KALRN: variants seen among roughly 807,000 people sequenced by gnomAD.
KALRN encodes kalirin RhoGEF kinase, also known as kalirin.
A neutral mutation model predicts 353.7 loss-of-function variants in KALRN; 70 were observed. The ratio of observed to expected loss-of-function variants is 0.20; its 90% CI spans 0.16 to 0.24. KALRN has a LOEUF of 0.24. Among genes scored for constraint, KALRN ranks in the 10% least tolerant of loss-of-function variants. The probability of loss-of-function intolerance (pLI) is 1.00; values close to 1 mark genes in which losing one functional copy is unlikely to be tolerated. For synonymous variants in KALRN, 1,391 were observed against 1,434.8 expected (o/e 0.97, Z 0.69); for missense variants, 2,791 against 3,756.7 (o/e 0.74, Z 6.72).
chr3:124,272,568 G>A (rs372914096), intron 5 of KALRN, among the ~76,000 whole-genome samples: 16 of 152,090 alleles, frequency 1.1e-4, no homozygotes, highest in African/African-American at 3.6e-4. Context: ...GAATGTGCAC[G>A]TGTGTATGTT....
At chr3:124,138,525 A>C (rs779359180) in intron 1 of KALRN, among the ~76,000 whole-genome samples, 4 of 152,218 alleles carry the variant, frequency 2.6e-5, no homozygotes, top group Non-Finnish European at 5.9e-5. Flanking sequence ...AATCTCAATG[A>C]TCAATGCCAG....
intron 6 of KALRN, among the ~76,000 whole-genome samples, chr3:124,304,401 G>A (rs2077518710): frequency 6.6e-6 from 1 of 152,108 alleles, no homozygotes; most frequent in African/African-American, 2.4e-5. Context: ...AGGACCCCAG[G>A]ATTGTAAACA....
chr3:124,117,236 G>A (rs2063536826), intron 1 of KALRN, among the ~76,000 whole-genome samples: 1 of 152,088 alleles, frequency 6.6e-6, no homozygotes, highest in Admixed American at 6.5e-5. Context: ...ACTGGCTGGT[G>A]TGTGGTCAAG....
At chr3:124,252,603 T>C (rs1245952491) in intron 3 of KALRN, among the ~76,000 whole-genome samples, 3 of 152,212 alleles carry the variant, frequency 2.0e-5, no homozygotes, top group African/African-American at 7.2e-5. Flanking sequence ...GCAAAAGATG[T>C]GTTGTTAAAT....
rs1239551017 is a variant in KALRN at position 124,719,882 on chromosome 3, T to C, written c.*412T>C. The C allele has an allele frequency of 5.5e-6, 1 of 181,380 alleles. No homozygotes were observed. Among genetic ancestry groups the C allele is most frequent in the Non-Finnish European group, 1.2e-5 (1 of 84,764 alleles). The allele number at this position is 181,380 out of a possible 1,614,324, so 11.2% of individuals were successfully genotyped here. A position where few individuals can be genotyped will look rare whatever the true frequency, so the allele number is the denominator to read the frequency against. On this transcript the variant is annotated 3_prime_UTR_variant, in exon 60 of 60. Coordinates refer to ENST00000682506, the MANE Select transcript of KALRN (RefSeq NM_001388419.1). This position sits in a 1 kb window ranked among gnomAD's most constrained non-coding sequence, Gnocchi z 5.3. Reference sequence around the variant, plus strand: ...TTCTATTTAATGGAGATGTCATGTATATCAACTATTCTGGTTTAGATAACT... The same window carrying C: ...TTCTATTTAATGGAGATGTCATGTACATCAACTATTCTGGTTTAGATAACT...
intron 33 of KALRN, among the ~76,000 whole-genome samples, chr3:124,507,777 G>A (rs913665216): frequency 6.6e-6 from 1 of 152,184 alleles, no homozygotes; most frequent in Non-Finnish European, 1.5e-5. Context: ...AGGCCTCAGA[G>A]AAGTTACAAA....
At chr3:124,204,795 A>T (rs1484993636) in intron 1 of KALRN, among the ~76,000 whole-genome samples, 1 of 152,078 alleles carries the variant, frequency 6.6e-6, no homozygotes, top group African/African-American at 2.4e-5. Flanking sequence ...TAAATCTCTA[A>T]GGTCTTTCTT....
In KALRN at chr3:124,384,913, C is replaced by A. The variant is rs1459444810; in HGVS notation, c.1839C>A (p.Asp613Glu). Residue 613 changes from aspartate (D) to glutamate (E), a missense_variant, in exon 11 of 60, where the codon GAC (aspartate) becomes GAA (glutamate). Transcript: ENST00000682506. Reference sequence around the variant, plus strand: ...AGTTGGCTCAGACGGGGGAATGTGACCCCGAGGAGATCTACAAGGCAGCTC... The same window carrying A: ...AGTTGGCTCAGACGGGGGAATGTGAACCCGAGGAGATCTACAAGGCAGCTC... ...AEQLAQTGEC[D>E]PEEIYKAARH... The A allele has an allele frequency of 1.9e-6, 3 of 1,613,442 alleles. No individual in the cohort carries two copies. In the African/African-American group the frequency reaches 4.0e-5, roughly 22 times the overall value.
chr3:124,323,241 C>T (rs186453514), intron 6 of KALRN, among the ~76,000 whole-genome samples: 39 of 152,186 alleles, frequency 2.6e-4, no homozygotes, highest in Middle Eastern at 3.4e-3. Flanking sequence ...CTTTTTCATG[C>T]GGGGAGCCTC....
At chr3:124,700,710 T>C (rs2062280577) in intron 56 of KALRN, among the ~76,000 whole-genome samples, 1 of 152,162 alleles carries the variant, frequency 6.6e-6, no homozygotes, top group Non-Finnish European at 1.5e-5. Context: ...GGGAGTGGTC[T>C]GTGTGTACTG....
At chr3:124,446,684 T>C (rs753488555) in intron 20 of KALRN, 79 bp from the exon 21 acceptor site, 53 of 1,564,866 alleles carry the variant, frequency 3.4e-5, no homozygotes, top group Non-Finnish European at 4.6e-5. Context: ...GTCCCAACAA[T>C]AACCTTCATT....
chr3:124,190,201 A>G (rs961364493), intron 1 of KALRN, among the ~76,000 whole-genome samples: 3 of 152,318 alleles, frequency 2.0e-5, no homozygotes, highest in African/African-American at 7.2e-5. Flanking sequence ...GGACATTCGG[A>G]TAGGCAAAGA....
chr3:124,086,060 T>A (rs1041655663), intron 1 of KALRN, among the ~76,000 whole-genome samples: 13 of 152,214 alleles, frequency 8.5e-5, no homozygotes, highest in Non-Finnish European at 1.6e-4. Context: ...TTTCTAAGTA[T>A]AATGTAGGCT....
At chr3:124,515,602 C>T (rs765176158) in intron 33 of KALRN, among the ~76,000 whole-genome samples, 1 of 152,208 alleles carries the variant, frequency 6.6e-6, no homozygotes, top group African/African-American at 2.4e-5. Flanking sequence ...TCAGGCTCTA[C>T]ACTGGCCTAT....
At chr3:124,482,702 T>C in intron 27 of KALRN, 106 bp from the exon 28 acceptor site, 3 of 766,076 alleles carry the variant, frequency 3.9e-6, no homozygotes, top group Non-Finnish European at 7.0e-6. Context: ...TTGTCTACCT[T>C]TTTCTCTTTC....
chr3:124,532,946 A>C (rs2068174443), intron 33 of KALRN, among the ~76,000 whole-genome samples: 1 of 150,172 alleles, frequency 6.7e-6, no homozygotes, highest in Non-Finnish European at 1.5e-5. Flanking sequence ...TGGGAAAAAA[A>C]AAAAACAAAT....
At chr3:124,536,998 G>A (rs946809646) in intron 33 of KALRN, among the ~76,000 whole-genome samples, 2 of 152,142 alleles carry the variant, frequency 1.3e-5, no homozygotes, top group Non-Finnish European at 2.9e-5. Context: ...CACTTTCCAT[G>A]TACTTCAGCA....
chr3:124,636,427 ACTC>A (rs1249681408), intron 36 of KALRN, among the ~76,000 whole-genome samples: 1 of 151,890 alleles, frequency 6.6e-6, no homozygotes, highest in Non-Finnish European at 1.5e-5. Flanking sequence ...CACATGGACA[ACTC>A]CTCACTGCTG....
At chr3:124,219,363 T>C (rs116032985) in intron 1 of KALRN, among the ~76,000 whole-genome samples, 1,799 of 152,272 alleles carry the variant, frequency 0.012, 34 homozygotes, top group African/African-American at 0.041. Context: ...AAGGAAGCTG[T>C]CCAGCTCACT....
Sources: allele counts gnomAD v4.1 joint callset (sites outside exome capture counted in the v4.1 genomes callset), GRCh38; gene constraint gnomAD v4.1.1; non-coding constraint Gnocchi (gnomAD v3.1); transcripts MANE v1.5; gene names NCBI Gene and HGNC (gene_info 2026-07-23, HGNC 2026-07-21).